SLC44A5: variants seen among roughly 807,000 people sequenced by gnomAD.
SLC44A5 encodes the protein solute carrier family 44 member 5.
In SLC44A5, 57 loss-of-function variants were observed where a neutral mutation model predicts 101.8. The observed-to-expected ratio is 0.56, with a 90% CI of 0.45 to 0.70. The LOEUF (loss-of-function observed/expected upper bound fraction) is 0.70. Among genes scored for constraint, SLC44A5 ranks in the 30% least tolerant of loss-of-function variants. The probability of loss-of-function intolerance (pLI) is 0.00; values close to 1 mark genes in which losing one functional copy is unlikely to be tolerated. For missense variants in SLC44A5, 737 were observed against 853.1 expected (o/e 0.86, Z 1.70); for synonymous variants, 281 against 290.9 (o/e 0.97, Z 0.35).
At chr1:75,388,750 G>A (rs1346935033) in intron 3 of SLC44A5, among the ~76,000 whole-genome samples, 11 of 151,198 alleles carry the variant, frequency 7.3e-5, no homozygotes, top group Non-Finnish European at 1.3e-4. Context: ...CTGCACTCCA[G>A]CCTGGGCAAC....
At chr1:75,402,180 A>G (rs1412886927) in intron 2 of SLC44A5, among the ~76,000 whole-genome samples, 1 of 152,228 alleles carries the variant, frequency 6.6e-6, no homozygotes, top group Non-Finnish European at 1.5e-5. Flanking sequence ...GCCTGAAAAA[A>G]ACACATTTTG....
intron 4 of SLC44A5, among the ~76,000 whole-genome samples, chr1:75,331,550 A>T (rs1657057732): frequency 6.6e-6 from 1 of 152,094 alleles, no homozygotes; most frequent in African/African-American, 2.4e-5. Flanking sequence ...GCTTCCTGTG[A>T]ATCTCCTTGC....
At chr1:75,588,679 G>A (rs535214928) in intron 1 of SLC44A5, among the ~76,000 whole-genome samples, 13 of 152,200 alleles carry the variant, frequency 8.5e-5, no homozygotes, top group Non-Finnish European at 1.2e-4. Context: ...ACTGAATTGA[G>A]ATATGGGATT....
At chr1:75,312,387 A>G (rs1570645555) in intron 4 of SLC44A5, among the ~76,000 whole-genome samples, 1 of 152,276 alleles carries the variant, frequency 6.6e-6, no homozygotes, top group South Asian at 2.1e-4. Flanking sequence ...GTGTCCCCCA[A>G]GGTTCATGTG....
chr1:75,332,305 G>A (rs951268065), intron 4 of SLC44A5, among the ~76,000 whole-genome samples: 1 of 152,068 alleles, frequency 6.6e-6, no homozygotes, highest in Non-Finnish European at 1.5e-5. Context: ...ATCAGCTACT[G>A]TATTAGTCTT....
rs376406030 is a variant in SLC44A5, at chr1:75,496,853, TAG to T, written c.13+44580_13+44581del. Among the ~76,000 whole-genome samples, 104 of 152,162 alleles carry T rather than the reference TAG, an allele frequency of 6.8e-4. 2 individuals are homozygous for T. The East Asian group carries it at 0.02, about 29-fold the overall frequency. ...AATAAAAATTTTTCCAAGGAAGACA[TAG>T]AGTTTGCCACTAAGTATGTAAAAAG... On this transcript the variant is annotated intron_variant, in intron 2 of 23. Transcript: ENST00000370859.
chr1:75,370,262 T>C (rs932544956), intron 3 of SLC44A5, among the ~76,000 whole-genome samples: 6 of 152,228 alleles, frequency 3.9e-5, no homozygotes, highest in African/African-American at 9.6e-5. Flanking sequence ...ACCTATTACA[T>C]AGAAAAATAA....
intron 1 of SLC44A5, among the ~76,000 whole-genome samples, chr1:75,572,933 G>A (rs751459374): frequency 1.1e-4 from 16 of 151,804 alleles, no homozygotes; most frequent in Non-Finnish European, 2.2e-4. Flanking sequence ...GACCAGCCTG[G>A]CTAACTTGGC....
the SLC44A5 span, among the ~76,000 whole-genome samples, chr1:75,640,115 A>T: frequency 6.6e-6 from 1 of 152,076 alleles, no homozygotes; most frequent in Non-Finnish European, 1.5e-5. Flanking sequence ...AGTGCCTTGA[A>T]ACAGCAACAG....
At chr1:75,693,756 G>C in the SLC44A5 span, among the ~76,000 whole-genome samples, 1 of 152,148 alleles carries the variant, frequency 6.6e-6, no homozygotes, top group East Asian at 1.9e-4. Flanking sequence ...AAAATCTAAG[G>C]AAGTGGGATA....
the SLC44A5 span, among the ~76,000 whole-genome samples, chr1:75,713,634 C>T: frequency 6.6e-6 from 1 of 152,174 alleles, no homozygotes; most frequent in Non-Finnish European, 1.5e-5. Flanking sequence ...CTGACTCACC[C>T]TATTTCTGAG....
intron 2 of SLC44A5, among the ~76,000 whole-genome samples, chr1:75,472,694 T>G (rs1479383836): frequency 6.6e-6 from 1 of 152,176 alleles, no homozygotes; most frequent in African/African-American, 2.4e-5. Context: ...TAATATTCCC[T>G]CACTGAAAGG....
the SLC44A5 span, among the ~76,000 whole-genome samples, chr1:75,696,311 G>A: frequency 1.8e-4 from 27 of 152,154 alleles, no homozygotes; most frequent in East Asian, 1.2e-3. Context: ...CAAGTCACAC[G>A]ACCACACTCC....
chr1:75,595,619 A>G (rs557747451), intron 1 of SLC44A5, among the ~76,000 whole-genome samples: 4 of 152,290 alleles, frequency 2.6e-5, no homozygotes, highest in African/African-American at 9.6e-5. Flanking sequence ...ACTCTGAACT[A>G]TGTCTGTAAA....
chr1:75,698,901 C>T, the SLC44A5 span, among the ~76,000 whole-genome samples: 1 of 151,968 alleles, frequency 6.6e-6, no homozygotes, highest in African/African-American at 2.4e-5. Context: ...GACAGGGTAT[C>T]AGCGATGGAA....
chr1:75,309,318 G>T (rs969684477), intron 4 of SLC44A5, among the ~76,000 whole-genome samples: 1 of 152,132 alleles, frequency 6.6e-6, no homozygotes, highest in African/African-American at 2.4e-5. Flanking sequence ...GGTGGCATGT[G>T]CCTATAGTCT....
At chr1:75,292,335 A>G (rs1653625129) in intron 5 of SLC44A5, among the ~76,000 whole-genome samples, 1 of 152,170 alleles carries the variant, frequency 6.6e-6, no homozygotes, top group Non-Finnish European at 1.5e-5. Flanking sequence ...GATACAATGT[A>G]TTGTATCTGA....
chr1:75,412,313 A>G (rs1425104985), intron 2 of SLC44A5, among the ~76,000 whole-genome samples: 1 of 152,124 alleles, frequency 6.6e-6, no homozygotes, highest in Non-Finnish European at 1.5e-5. Flanking sequence ...GTGGCGGGAG[A>G]TAAGTTCCAT....
At chr1:75,347,087 T>C (rs1202864148) in intron 3 of SLC44A5, among the ~76,000 whole-genome samples, 5 of 152,126 alleles carry the variant, frequency 3.3e-5, no homozygotes, top group African/African-American at 4.8e-5. Context: ...AGGGGAAAAT[T>C]GTCTTTAAAG....
Sources: allele counts gnomAD v4.1 joint callset (sites outside exome capture counted in the v4.1 genomes callset), GRCh38; gene constraint gnomAD v4.1.1; transcripts MANE v1.5; gene names NCBI Gene and HGNC (gene_info 2026-07-23, HGNC 2026-07-21).